The following ZMIZ1 variants were observed in gnomAD, a reference collection of about 807,000 sequenced individuals.
The protein encoded by ZMIZ1 is zinc finger MIZ domain-containing protein 1.
A neutral mutation model predicts 113.9 loss-of-function variants in ZMIZ1; 17 were observed. The ratio of observed to expected loss-of-function variants is 0.15; its 90% CI spans 0.10 to 0.22. The LOEUF (loss-of-function observed/expected upper bound fraction) is 0.22, where lower values mean the gene tolerates loss of function less well. ZMIZ1 is among the 10% of genes least tolerant of loss of function. The pLI is 1.00. For missense variants in ZMIZ1, 1,059 were observed against 1,477.8 expected, an observed-to-expected ratio of 0.72 and a Z score of 4.65; for synonymous variants, 607 against 603.1, an observed-to-expected ratio of 1.01 and a Z score of -0.09.
intron 7 of ZMIZ1, among the ~76,000 whole-genome samples, chr10:79,222,769 C>T (rs1473616770): frequency 6.6e-6 from 1 of 152,144 alleles, no homozygotes; most frequent in Admixed American, 6.5e-5. Context: ...CAGGGAGCTT[C>T]TATAACAACT....
chr10:79,129,827 G>A (rs1421832176), intron 2 of ZMIZ1, among the ~76,000 whole-genome samples: 3 of 152,258 alleles, frequency 2.0e-5, no homozygotes, highest in South Asian at 2.1e-4. Context: ...CCCTTCCGGT[G>A]CATTGATGGA....
chr10:79,282,334 G>A (rs1415566223), intron 8 of ZMIZ1, among the ~76,000 whole-genome samples: 1 of 152,182 alleles, frequency 6.6e-6, no homozygotes, highest in Non-Finnish European at 1.5e-5. Flanking sequence ...GGTGAGCTTG[G>A]GTGAGCTGGG....
chr10:79,296,317 C>G lies in ZMIZ1; in HGVS notation c.1231-154C>G, dbSNP rs559768219. 155 of 851,706 alleles carry G rather than the reference C, an allele frequency of 1.8e-4. No homozygotes were observed. Among genetic ancestry groups the G allele is most frequent in the Non-Finnish European group, 2.7e-4 (140 of 526,444 alleles). The allele number at this position is 851,706 out of a possible 1,614,324, so 52.8% of individuals were successfully genotyped here. On this transcript the variant is annotated intron_variant, in intron 12 of 24. Transcript: ENST00000334512. The surrounding 1 kb of genome is among the most constrained non-coding windows in gnomAD (Gnocchi z 4.1). ...AACAAAATGCCCCTGGATGTCAGGACGAGAAGGGGCCCAAAGCATTATCTG... is the reference window on the plus strand; with the variant it reads ...AACAAAATGCCCCTGGATGTCAGGAGGAGAAGGGGCCCAAAGCATTATCTG...
intron 1 of ZMIZ1, among the ~76,000 whole-genome samples, chr10:79,094,968 A>AAGAG (rs1554849657): frequency 4.0e-5 from 6 of 150,314 alleles, no homozygotes; most frequent in African/African-American, 4.9e-5. Context: ...AAAAAAAAAA[A>AAGAG]AGAGAGAGAG....
At chr10:79,169,497 T>C (rs1846514037) in intron 4 of ZMIZ1, among the ~76,000 whole-genome samples, 1 of 152,232 alleles carries the variant, frequency 6.6e-6, no homozygotes, top group Admixed American at 6.5e-5. Context: ...GCTTAGCCTG[T>C]CCACAGCCAC....
chr10:79,186,314 CA>C (rs1847350517), intron 4 of ZMIZ1, among the ~76,000 whole-genome samples: 1 of 152,210 alleles, frequency 6.6e-6, no homozygotes, highest in Admixed American at 6.5e-5. Flanking sequence ...TAATTTTAAA[CA>C]AATTCTCTTC....
chr10:79,246,436 GGTGTTT>G (rs386745631), intron 7 of ZMIZ1, among the ~76,000 whole-genome samples: 3,217 of 152,330 alleles, frequency 0.021, 98 homozygotes, highest in African/African-American at 0.073. Context: ...GGGCAAGGGA[GGTGTTT>G]ACCTTGAGCG....
At chr10:79,188,019 C>T (rs1183375203) in intron 4 of ZMIZ1, among the ~76,000 whole-genome samples, 1 of 152,230 alleles carries the variant, frequency 6.6e-6, no homozygotes, top group Non-Finnish European at 1.5e-5. Flanking sequence ...GTTTTCCCAT[C>T]TGTAGATGGT....
At position 79,286,243 on chromosome 10, in the gene ZMIZ1, A is replaced by C. The variant is rs867139316; in HGVS notation, c.426-3532A>C. ...ACCCTCCTCCCATCCCAGCCAGGCC[A>C]TGCCTTTCTGGTAGCAGCCCAGGGG... On this transcript the variant is annotated intron_variant, in intron 8 of 24. Coordinates refer to ENST00000334512, the MANE Select transcript of ZMIZ1 (RefSeq NM_020338.4). Among the ~76,000 whole-genome samples the C allele has an allele frequency of 2.6e-5, 4 of 152,208 alleles. No individual in the cohort carries two copies. In the South Asian group the frequency reaches 8.3e-4, roughly 32 times the overall value.
At chr10:79,101,802 T>C (rs1381306026) in intron 1 of ZMIZ1, among the ~76,000 whole-genome samples, 1 of 152,184 alleles carries the variant, frequency 6.6e-6, no homozygotes, top group East Asian at 1.9e-4. Context: ...TTTCTCACAC[T>C]GTCCCCGACC....
intron 2 of ZMIZ1, among the ~76,000 whole-genome samples, chr10:79,127,280 T>G (rs1366792328): frequency 1.3e-5 from 2 of 152,122 alleles, no homozygotes; most frequent in South Asian, 2.1e-4. Flanking sequence ...CCGGTCTGTG[T>G]TTGCAGAGCC....
At chr10:79,186,148 C>G (rs1018543478) in intron 4 of ZMIZ1, among the ~76,000 whole-genome samples, 19 of 152,202 alleles carry the variant, frequency 1.2e-4, no homozygotes, top group Admixed American at 6.5e-5. Flanking sequence ...ACCACCCACG[C>G]CCTTTGGGCC....
At chr10:79,161,724 T>C (rs147211722) in intron 3 of ZMIZ1, among the ~76,000 whole-genome samples, 69 of 152,376 alleles carry the variant, frequency 4.5e-4, no homozygotes, top group Admixed American at 2.5e-3. Context: ...GCTTGCTGAA[T>C]GTTTGTTGAA....
At chr10:79,070,839 T>C (rs1466569224) in intron 1 of ZMIZ1, among the ~76,000 whole-genome samples, 2 of 151,272 alleles carry the variant, frequency 1.3e-5, no homozygotes, top group African/African-American at 4.9e-5. Flanking sequence ...CCCGCCTGCC[T>C]CCCTCCCTCC....
At chr10:79,233,051 C>T (rs1039079016) in intron 7 of ZMIZ1, among the ~76,000 whole-genome samples, 6 of 152,220 alleles carry the variant, frequency 3.9e-5, no homozygotes, top group Admixed American at 6.5e-5. Context: ...ACTGGTTGTT[C>T]CTCAGTGCAA....
intron 6 of ZMIZ1, among the ~76,000 whole-genome samples, chr10:79,209,374 A>G (rs900186546): frequency 2.6e-5 from 4 of 152,230 alleles, no homozygotes; most frequent in Non-Finnish European, 4.4e-5. Context: ...TTGCCAGCCA[A>G]CAGGGCCCCA....
chr10:79,246,744 G>A (rs957509273), intron 7 of ZMIZ1, among the ~76,000 whole-genome samples: 4 of 152,170 alleles, frequency 2.6e-5, no homozygotes, highest in African/African-American at 4.8e-5. Flanking sequence ...GCTGCCTCAC[G>A]AGGGAGCCTG....
intron 7 of ZMIZ1, among the ~76,000 whole-genome samples, chr10:79,251,966 A>G (rs534299845): frequency 5.9e-5 from 9 of 152,266 alleles, no homozygotes; most frequent in South Asian, 2.1e-4. Flanking sequence ...CACTCGGGCA[A>G]TGGGTCTCCC....
chr10:79,203,190 C>G (rs1299332413), intron 5 of ZMIZ1, among the ~76,000 whole-genome samples: 2 of 152,174 alleles, frequency 1.3e-5, no homozygotes, highest in Non-Finnish European at 2.9e-5. Context: ...GGGCCAGGAC[C>G]CAGACGGAGC....
Sources: allele counts gnomAD v4.1 joint callset (sites outside exome capture counted in the v4.1 genomes callset), GRCh38; gene constraint gnomAD v4.1.1; non-coding constraint Gnocchi (gnomAD v3.1); transcripts MANE v1.5; gene names NCBI Gene and HGNC (gene_info 2026-07-23, HGNC 2026-07-21).